The following RASGEF1A variants were observed in gnomAD, a reference collection of about 807,000 sequenced individuals.
RASGEF1A encodes the protein RasGEF domain family member 1A.
Under a neutral mutation model 56.4 loss-of-function variants are expected in RASGEF1A, and 18 were observed. The ratio of observed to expected loss-of-function variants is 0.32; its 90% CI spans 0.22 to 0.47. The LOEUF (loss-of-function observed/expected upper bound fraction) is 0.47, where lower values mean the gene tolerates loss of function less well. Ranked by LOEUF, RASGEF1A falls within the 20% of genes least tolerant of loss-of-function variation. The probability of loss-of-function intolerance (pLI) is 1.00; values close to 1 mark genes in which losing one functional copy is unlikely to be tolerated. For synonymous variants in RASGEF1A, 245 were observed against 242.6 expected (o/e 1.01, Z -0.09); for missense variants, 422 against 627.1 (o/e 0.67, Z 3.49).
intron 1 of RASGEF1A, among the ~76,000 whole-genome samples, chr10:43,226,842 G>A (rs1363151808): frequency 2.0e-5 from 3 of 152,188 alleles, no homozygotes; most frequent in East Asian, 1.9e-4. Context: ...AGTCAAGTCA[G>A]CATCCCTTGA....
chr10:43,225,279 G>C (rs1199801412), intron 1 of RASGEF1A, among the ~76,000 whole-genome samples: 1 of 132,598 alleles, frequency 7.5e-6, no homozygotes, highest in Non-Finnish European at 1.6e-5. Flanking sequence ...CTCTGTGTCT[G>C]TGTGTTTCTG....
intron 1 of RASGEF1A, among the ~76,000 whole-genome samples, chr10:43,225,668 C>T (rs1348140891): frequency 1.3e-5 from 2 of 152,096 alleles, no homozygotes; most frequent in Non-Finnish European, 2.9e-5. Flanking sequence ...CACAGTGGGC[C>T]TGCTCTGCCA....
intron 1 of RASGEF1A, among the ~76,000 whole-genome samples, chr10:43,260,058 C>T (rs1879303): frequency 0.8 from 122,326 of 152,122 alleles, 49,718 homozygotes; most frequent in Non-Finnish European, 0.86. Flanking sequence ...CAGAGGCTCA[C>T]TGGCAAAATC....
At chr10:43,220,981 C>T (rs1022374366) in intron 1 of RASGEF1A, among the ~76,000 whole-genome samples, 1 of 152,140 alleles carries the variant, frequency 6.6e-6, no homozygotes, top group Non-Finnish European at 1.5e-5. Flanking sequence ...GACACTCCTG[C>T]GGAGGGCCAT....
Position 43,200,791 on chromosome 10 carries a change from A to C in RASGEF1A, c.557T>G (p.Leu186Arg), listed in dbSNP as rs1588926845. Residue 186 changes from leucine (L) to arginine (R), a missense_variant, in exon 5 of 13, where the codon CTC (leucine) becomes CGC (arginine). Transcript: ENST00000395810. ...RSQLQELREK[L>R]RPPAVDKGPI... ...CCCCTTGTCTACAGCCGGTGGCCGGAGCTTCTCTCGCAGTTCCTGGAGCTG... is the reference window on the plus strand; with the variant it reads ...CCCCTTGTCTACAGCCGGTGGCCGGCGCTTCTCTCGCAGTTCCTGGAGCTG... The C allele has an allele frequency of 6.2e-7, 1 of 1,613,770 alleles. No individual in the cohort carries two copies. Among genetic ancestry groups the C allele is most frequent in the African/African-American group, 1.3e-5 (1 of 74,916 alleles).
intron 1 of RASGEF1A, among the ~76,000 whole-genome samples, chr10:43,230,697 G>A (rs986306807): frequency 1.3e-5 from 2 of 152,172 alleles, no homozygotes; most frequent in Non-Finnish European, 2.9e-5. Context: ...GGACAATCGT[G>A]ACCCTGACAA....
intron 1 of RASGEF1A, among the ~76,000 whole-genome samples, chr10:43,240,413 C>A (rs1840486480): frequency 6.6e-6 from 1 of 152,114 alleles, no homozygotes; most frequent in Admixed American, 6.5e-5. Context: ...CAAAAACTTT[C>A]AATCAGCTAC....
At chr10:43,217,293 C>A (rs1413104958) in intron 1 of RASGEF1A, among the ~76,000 whole-genome samples, 4 of 152,144 alleles carry the variant, frequency 2.6e-5, no homozygotes, top group African/African-American at 7.2e-5. Flanking sequence ...GTCCTTCCAT[C>A]CCCCTTTGGC....
chr10:43,199,538 C>G (rs1357455718), intron 7 of RASGEF1A, 138 bp downstream of exon 7: 1 of 709,408 alleles, frequency 1.4e-6, no homozygotes, highest in African/African-American at 1.7e-5. Flanking sequence ...GTTGGGGGAC[C>G]ACCAAGGCCC....
Position 43,197,957 on chromosome 10 carries a change from G to C in RASGEF1A, c.1224+47C>G, listed in dbSNP as rs764586847. 14 of 1,517,480 alleles carry C rather than the reference G, an allele frequency of 9.2e-6. 1 individual carries two copies. The South Asian group carries it at 1.5e-4, about 16-fold the overall frequency. 94.0% of individuals were successfully genotyped at this position (1,517,480 alleles called of 1,614,324 possible). On this transcript the variant is annotated intron_variant, in intron 10 of 12. Transcript: ENST00000395810. ...GGGCTAATGCCTGGCGGCTCCAGTA[G>C]CTCAGACAGTTTCCGCCTGGCCTGC...
chr10:43,223,530 C>T (rs960260735), intron 1 of RASGEF1A, among the ~76,000 whole-genome samples: 6 of 152,088 alleles, frequency 3.9e-5, no homozygotes, highest in African/African-American at 1.4e-4. Context: ...TTGAAGTAAA[C>T]ACTAAGCACT....
At chr10:43,266,356 A>G (rs1035847250) in intron 1 of RASGEF1A, among the ~76,000 whole-genome samples, 2 of 152,164 alleles carry the variant, frequency 1.3e-5, no homozygotes, top group Non-Finnish European at 2.9e-5. Flanking sequence ...TCAAGCCCCA[A>G]TTCCTCGCCA....
At chr10:43,260,376 C>T (rs1030211373) in intron 1 of RASGEF1A, among the ~76,000 whole-genome samples, 3 of 152,212 alleles carry the variant, frequency 2.0e-5, no homozygotes, top group African/African-American at 7.2e-5. Context: ...CCTGTGTCTT[C>T]CCCTGACAGC....
At chr10:43,198,340 C>A in intron 9 of RASGEF1A, 145 bp from the exon 10 acceptor site, 3 of 658,482 alleles carry the variant, frequency 4.6e-6, no homozygotes, top group South Asian at 4.8e-5. Context: ...GGGGAGGGGA[C>A]GCCCAAGGGT....
rs756574349 is a variant in RASGEF1A, at chr10:43,196,936, G to A, written c.1348+40C>T. The A allele has an allele frequency of 1.2e-6, 2 of 1,607,486 alleles. No individual in the cohort carries two copies. The highest frequency in any genetic ancestry group is 2.2e-5 in the East Asian group (1 of 44,868). On this transcript the variant is annotated intron_variant, in intron 11 of 12. Coordinates refer to ENST00000395810, the MANE Select transcript of RASGEF1A (RefSeq NM_145313.4). The surrounding 1 kb of genome is among the most constrained non-coding windows in gnomAD (Gnocchi z 4.6). ...GCACCGGGCCTGGACAAGGAGTCAG[G>A]TGGGGTGGGAGGCATGCTGCGTTGG... is the stretch of plus-strand genomic sequence containing the variant.
At chr10:43,264,941 G>A (rs555240971) in intron 1 of RASGEF1A, among the ~76,000 whole-genome samples, 23 of 152,168 alleles carry the variant, frequency 1.5e-4, no homozygotes, top group African/African-American at 5.3e-4. Context: ...AAAAACCAAA[G>A]GCCAACCAAA....
chr10:43,258,713 G>A (rs972799343), intron 1 of RASGEF1A, among the ~76,000 whole-genome samples: 31 of 152,216 alleles, frequency 2.0e-4, no homozygotes, highest in Non-Finnish European at 1.5e-4. Flanking sequence ...GACTGCCTCT[G>A]TCTCCTCTTT....
intron 1 of RASGEF1A, among the ~76,000 whole-genome samples, chr10:43,211,346 C>G (rs1324373016): frequency 7.9e-5 from 12 of 152,170 alleles, no homozygotes; most frequent in Non-Finnish European, 1.8e-4. Flanking sequence ...CTAAGTCTTC[C>G]TGGCTGGGCC....
intron 1 of RASGEF1A, among the ~76,000 whole-genome samples, chr10:43,213,415 G>C (rs1370401962): frequency 6.6e-6 from 1 of 152,176 alleles, no homozygotes; most frequent in Non-Finnish European, 1.5e-5. Context: ...AGCAAGAATG[G>C]AAGTGGCTAG....
Sources: allele counts gnomAD v4.1 joint callset (sites outside exome capture counted in the v4.1 genomes callset), GRCh38; gene constraint gnomAD v4.1.1; non-coding constraint Gnocchi (gnomAD v3.1); transcripts MANE v1.5; gene names NCBI Gene and HGNC (gene_info 2026-07-23, HGNC 2026-07-21).